KCNH2: variants seen among roughly 807,000 people sequenced by gnomAD.
KCNH2 encodes the protein voltage-gated inwardly rectifying potassium channel KCNH2.
Under a neutral mutation model 95.9 loss-of-function variants are expected in KCNH2, and 35 were observed. The ratio of observed to expected loss-of-function variants is 0.37; its 90% CI spans 0.28 to 0.48. The LOEUF (loss-of-function observed/expected upper bound fraction) is 0.48. KCNH2 is among the 20% of genes least tolerant of loss of function. KCNH2 has a pLI of 0.99. For missense variants in KCNH2, 1,274 were observed against 1,702.9 expected, an observed-to-expected ratio of 0.75 and a Z score of 4.43; for synonymous variants, 786 against 754.7, an observed-to-expected ratio of 1.04 and a Z score of -0.68.
At chr7:150,965,751 G>C (rs377501746) in intron 2 of KCNH2, among the ~76,000 whole-genome samples, 1 of 152,232 alleles carries the variant, frequency 6.6e-6, no homozygotes, top group Non-Finnish European at 1.5e-5. Flanking sequence ...CCGTCCATCC[G>C]AGTCAGAGCC....
intron 2 of KCNH2, among the ~76,000 whole-genome samples, chr7:150,968,836 A>C (rs1312957357): frequency 2.6e-5 from 4 of 152,170 alleles, no homozygotes; most frequent in Admixed American, 1.3e-4. Context: ...GCCCCGGATC[A>C]GGCTCATTTC....
chr7:150,954,688 A>T (rs1401004347), intron 5 of KCNH2, among the ~76,000 whole-genome samples: 1 of 152,146 alleles, frequency 6.6e-6, no homozygotes, highest in Non-Finnish European at 1.5e-5. Context: ...GAATGTGCAG[A>T]TGTGGGGTGG....
chr7:150,956,127 C>A (rs980294929), intron 5 of KCNH2, among the ~76,000 whole-genome samples: 1 of 152,094 alleles, frequency 6.6e-6, no homozygotes, highest in African/African-American at 2.4e-5. Context: ...CACATACAGG[C>A]GCACATGCAC....
chr7:150,950,584 C>G (rs537145385), intron 8 of KCNH2, among the ~76,000 whole-genome samples, 164 bp from the exon 9 acceptor site: 1 of 152,252 alleles, frequency 6.6e-6, no homozygotes, highest in South Asian at 2.1e-4. Flanking sequence ...GACCTGGGAC[C>G]CCACTCCAGC....
intron 1 of KCNH2, 125 bp downstream of exon 1, chr7:150,977,713 C>G: frequency 1.3e-6 from 1 of 749,358 alleles, no homozygotes; most frequent in Non-Finnish European, 2.1e-6. Context: ...AGCCTGGGGC[C>G]CACCAGGCCC....
At chr7:150,968,461 T>C (rs926576559) in intron 2 of KCNH2, among the ~76,000 whole-genome samples, 1 of 152,178 alleles carries the variant, frequency 6.6e-6, no homozygotes, top group Non-Finnish European at 1.5e-5. Flanking sequence ...TTAAAGCACA[T>C]TCCCAAGTAA....
chr7:150,948,917 A>G lies in KCNH2; in HGVS notation c.2531T>C (p.Met844Thr). Reference protein sequence around the residue: ...HRDDLLEVLDMYPEFSDHFWS... With the variant: ...HRDDLLEVLDTYPEFSDHFWS... ...GAAGTGGTCGGAGAACTCAGGGTAC[A>G]TGTCCAGCACCTCCAGCAGGTCGTC... The change falls in exon 10 of 15, where the codon ATG becomes ACG. Residue 844 changes from methionine to threonine, a missense_variant. Coordinates refer to ENST00000262186, the MANE Select transcript of KCNH2 (RefSeq NM_000238.4). The G allele has an allele frequency of 6.2e-7, 1 of 1,614,216 alleles. No homozygotes were observed.
At chr7:150,969,745 G>A (rs958611347) in intron 2 of KCNH2, among the ~76,000 whole-genome samples, 1 of 152,208 alleles carries the variant, frequency 6.6e-6, no homozygotes, top group African/African-American at 2.4e-5. Flanking sequence ...AGGCCTGGTG[G>A]CGGGGAGAGG....
chr7:150,977,707 T>C, intron 1 of KCNH2, 131 bp downstream of exon 1: 1 of 461,974 alleles, frequency 2.2e-6, no homozygotes, highest in Non-Finnish European at 3.4e-6. Context: ...CGCCAAAGCC[T>C]GGGGCCCACC....
chr7:150,957,705 C>CAGGAAG (rs1157258231), intron 4 of KCNH2, among the ~76,000 whole-genome samples: 6 of 152,204 alleles, frequency 3.9e-5, no homozygotes, highest in Non-Finnish European at 5.9e-5. Context: ...GCCCTGAGAC[C>CAGGAAG]AGGAAGAGGA....
chr7:150,974,844 C>T lies in KCNH2; in HGVS notation c.174G>A (p.Glu58=). Residue 58 remains glutamate, a synonymous_variant, in exon 2 of 15, where the codon GAG becomes GAA. Transcript: ENST00000262186. ...FCELCGYSRA[E]VMQRPCTCDF... is the part of the protein sequence containing the mutation. ...CGCAGGTGCAGGGTCGCTGCATCAC[C>T]TCGGCCCGCGAGTAGCCGCACAGCT... The T allele has an allele frequency of 6.2e-7, 1 of 1,609,748 alleles. No individual in the cohort carries two copies.
In KCNH2 at chr7:150,945,589, A is replaced by C; in HGVS notation, c.3331-75T>G. On this transcript the variant is annotated intron_variant, in intron 14 of 14. Transcript: ENST00000262186. The surrounding 1 kb of genome is among the most constrained non-coding windows in gnomAD (Gnocchi z 5.6). ...GAAGGGGAGGGAAAGGGGCAGGAGAACCCGGGGACAGAGGATGGACGGGAG... is the reference window on the plus strand; with the variant it reads ...GAAGGGGAGGGAAAGGGGCAGGAGACCCCGGGGACAGAGGATGGACGGGAG... 7 of 1,444,142 alleles carry C rather than the reference A, an allele frequency of 4.8e-6. No homozygotes were observed. The highest frequency in any genetic ancestry group is 1.2e-5 in the South Asian group (1 of 81,998). 89.5% of individuals were successfully genotyped at this position (1,444,142 alleles called of 1,614,324 possible). A position where few individuals can be genotyped will look rare whatever the true frequency, so the allele number is the denominator to read the frequency against.
intron 1 of KCNH2, among the ~76,000 whole-genome samples, chr7:150,976,507 G>A (rs1801983941): frequency 6.6e-6 from 1 of 152,094 alleles, no homozygotes; most frequent in Non-Finnish European, 1.5e-5. Context: ...CTTCATAGAA[G>A]AAAAACCACC....
rs574100031 is a variant in KCNH2, at chr7:150,963,334, G to C, written c.308-3598C>G. Among the ~76,000 whole-genome samples, 4 of 152,250 alleles carry C rather than the reference G, an allele frequency of 2.6e-5. No individual in the cohort carries two copies. In the South Asian group the frequency reaches 8.3e-4, roughly 32 times the overall value. Reference sequence around the variant, plus strand: ...ATTGCATTAGAATGACTTTGGGCCGGTCACTTACCGGCCCAGAGCCCCGGG... The same window carrying C: ...ATTGCATTAGAATGACTTTGGGCCGCTCACTTACCGGCCCAGAGCCCCGGG... On this transcript the variant is annotated intron_variant, in intron 2 of 14. Transcript: ENST00000262186.
intron 2 of KCNH2, among the ~76,000 whole-genome samples, chr7:150,967,334 T>C (rs754554183): frequency 2.0e-5 from 3 of 152,178 alleles, no homozygotes; most frequent in Middle Eastern, 3.2e-3. Context: ...GATCCACAAA[T>C]AGCTATGTCA....
At chr7:150,959,035 G>A (rs1199230180) in intron 3 of KCNH2, among the ~76,000 whole-genome samples, 2 of 152,240 alleles carry the variant, frequency 1.3e-5, no homozygotes, top group Admixed American at 1.3e-4. Flanking sequence ...GACAGAGGAA[G>A]GGGCTCCGAG....
chr7:150,951,314 C>G (rs1039278043), intron 7 of KCNH2, 134 bp downstream of exon 7: 6 of 1,241,426 alleles, frequency 4.8e-6, no homozygotes, highest in East Asian at 4.7e-5. Context: ...GCCCCCAAAC[C>G]ATGTCACGAT....
In KCNH2 at chr7:150,948,930, C is replaced by G. The variant is rs752253646; in HGVS notation, c.2518G>C (p.Glu840Gln). Residue 840 changes from glutamate (E) to glutamine (Q), a missense_variant, in exon 10 of 15, where the codon GAG becomes CAG. Physicochemically the swap from Glu to Gln is conservative, Grantham distance 29. Around this residue, in one of 7 missense-constraint regions of KCNH2, gnomAD observed 159 missense variants for 282.5 expected, o/e 0.56. Transcript: ENST00000262186. ...LHKIHRDDLL[E>Q]VLDMYPEFSD... The stretch of plus-strand genomic sequence containing the variant: ...AACTCAGGGTACATGTCCAGCACCT[C>G]CAGCAGGTCGTCCCGATGGATCTTG... The G allele has an allele frequency of 6.2e-7, 1 of 1,614,236 alleles. No homozygotes were observed. The highest frequency in any genetic ancestry group is 2.2e-5 in the East Asian group (1 of 44,884).
At position 150,952,496 on chromosome 7, in the gene KCNH2, C is replaced by A; in HGVS notation, c.1486G>T (p.Gly496Cys). 6.2e-7 allele frequency: 1 copy of A among 1,614,094 alleles called. No homozygotes were observed. The highest frequency in any genetic ancestry group is 8.5e-7 in the Non-Finnish European group (1 of 1,180,020). The change falls in exon 6 of 15, where the codon GGC becomes TGC. Residue 496 changes from glycine (G) to cysteine (C), a missense_variant. Physicochemically the swap from Gly to Cys is radical, Grantham distance 159. Coordinates refer to ENST00000262186, the MANE Select transcript of KCNH2 (RefSeq NM_000238.4). The surrounding 1 kb of genome is among the most constrained non-coding windows in gnomAD (Gnocchi z 7.3). ...PGRIAVHYFK[G>C]WFLIDMVAAI... ...GCCACCATGTCGATGAGGAACCAGC[C>A]CTTGAAGTAGTGGACGGCGATGCGG...
Sources: gnomAD v4.1 joint callset for allele counts (sites outside exome capture counted in the v4.1 genomes callset) on GRCh38, gnomAD v4.1.1 for gene constraint, gnomAD v4.1.1 regional missense constraint, Gnocchi (gnomAD v3.1) non-coding constraint, MANE v1.5 for transcripts, NCBI Gene and HGNC (gene_info 2026-07-23, HGNC 2026-07-21) for gene names.